TXNDC16: variants seen among roughly 807,000 people sequenced by gnomAD.
TXNDC16 encodes thioredoxin domain containing 16.
In TXNDC16, 74 loss-of-function variants were observed where a neutral mutation model predicts 85.6. The observed-to-expected ratio is 0.86, with a 90% CI of 0.72 to 1.05. The LOEUF is 1.05. TXNDC16 is among the 50% of genes least tolerant of loss of function. The pLI is 0.00. For missense variants in TXNDC16, 959 were observed against 947.0 expected (o/e 1.01, Z -0.17); for synonymous variants, 335 against 326.5 (o/e 1.03, Z -0.28).
At chr14:52,546,054 G>A (rs1215342270) in intron 1 of TXNDC16, among the ~76,000 whole-genome samples, 1 of 152,026 alleles carries the variant, frequency 6.6e-6, no homozygotes, top group Admixed American at 6.6e-5. Context: ...GGGAGGCAGA[G>A]GCAGGAAGAT....
At chr14:52,437,710 T>A (rs981115590) in intron 20 of TXNDC16, among the ~76,000 whole-genome samples, 6 of 152,160 alleles carry the variant, frequency 3.9e-5, no homozygotes, top group Non-Finnish European at 8.8e-5. Context: ...CTCAAACTAC[T>A]ATGGGGAAAA....
At chr14:52,542,594 C>A (rs1425659222) in intron 3 of TXNDC16, 141 bp from the exon 4 acceptor site, 2 of 530,686 alleles carry the variant, frequency 3.8e-6, no homozygotes, top group Non-Finnish European at 6.7e-6. Context: ...CATATTTTCA[C>A]ACCCTTATTT....
At chr14:52,474,863 C>T (rs2035985741) in intron 14 of TXNDC16, among the ~76,000 whole-genome samples, 1 of 152,142 alleles carries the variant, frequency 6.6e-6, no homozygotes, top group African/African-American at 2.4e-5. Context: ...CGTGTGGAGG[C>T]TCGCCTCATG....
chr14:52,508,098 C>G (rs1229199225), intron 9 of TXNDC16, among the ~76,000 whole-genome samples: 1 of 152,070 alleles, frequency 6.6e-6, no homozygotes, highest in African/African-American at 2.4e-5. Context: ...TTCTGCACAG[C>G]AAAAGAAACT....
intron 6 of TXNDC16, among the ~76,000 whole-genome samples, chr14:52,530,884 C>G (rs2037559486): frequency 6.6e-6 from 1 of 151,126 alleles, no homozygotes; most frequent in Non-Finnish European, 1.5e-5. Flanking sequence ...CTACTAGAAT[C>G]AAAAGAATGA....
chr14:52,527,335 C>A (rs925245915), intron 6 of TXNDC16, among the ~76,000 whole-genome samples: 2 of 152,148 alleles, frequency 1.3e-5, no homozygotes, highest in Non-Finnish European at 2.9e-5. Flanking sequence ...GAGGACACCC[C>A]GCTGATGTCA....
At chr14:52,538,806 T>C (rs1457644970) in intron 4 of TXNDC16, among the ~76,000 whole-genome samples, 2 of 152,132 alleles carry the variant, frequency 1.3e-5, no homozygotes, top group East Asian at 3.8e-4. Flanking sequence ...TTAATTTTAA[T>C]GGGATTTGAG....
At chr14:52,516,896 C>G (rs2037095672) in intron 7 of TXNDC16, among the ~76,000 whole-genome samples, 1 of 152,112 alleles carries the variant, frequency 6.6e-6, no homozygotes, top group Admixed American at 6.6e-5. Flanking sequence ...TCTAGTACTA[C>G]TCCTGTCATA....
At chr14:52,516,220 C>T (rs945844683) in intron 7 of TXNDC16, among the ~76,000 whole-genome samples, 2 of 152,122 alleles carry the variant, frequency 1.3e-5, no homozygotes, top group East Asian at 1.9e-4. Context: ...TATCCAATAT[C>T]GTCTTCTTTA....
intron 14 of TXNDC16, among the ~76,000 whole-genome samples, chr14:52,479,754 A>G (rs2036103940): frequency 6.6e-6 from 1 of 152,126 alleles, no homozygotes; most frequent in Non-Finnish European, 1.5e-5. Context: ...GCCAAAAGCC[A>G]TCTACAAATT....
rs377422418 is a variant in TXNDC16, at chr14:52,506,058, C to A, written c.756+5182G>T. The stretch of plus-strand genomic sequence containing the variant: ...AATCTCTGAATAGACCAATAACAGG[C>A]TCTGAAATTGAGGCAATAATTAATA... On this transcript the variant is annotated intron_variant, in intron 9 of 20. Transcript: ENST00000281741. 4.7e-4 allele frequency among the ~76,000 whole-genome samples: 72 copies of A among 152,212 alleles called. No individual in the cohort carries two copies. The East Asian group carries it at 0.013, about 28-fold the overall frequency.
At chr14:52,467,182 G>A (rs1162646360) in intron 16 of TXNDC16, among the ~76,000 whole-genome samples, 6 of 151,102 alleles carry the variant, frequency 4.0e-5, no homozygotes, top group African/African-American at 1.5e-4. Flanking sequence ...ATATAGAGGA[G>A]AAAAAAAGGA....
chr14:52,496,610 ATTTT>A (rs57762673), intron 9 of TXNDC16, among the ~76,000 whole-genome samples: 1 of 140,040 alleles, frequency 7.1e-6, no homozygotes, highest in African/African-American at 2.6e-5. Context: ...TGATTTTATG[ATTTT>A]TTTTTTTTTT....
At position 52,508,464 on chromosome 14, in the gene TXNDC16, G is replaced by A. The variant is rs551590539; in HGVS notation, c.756+2776C>T. Among the ~76,000 whole-genome samples, 471 of 152,292 alleles carry A rather than the reference G, an allele frequency of 3.1e-3. 2 individuals are homozygous for A. The highest frequency in any genetic ancestry group is 0.011 in the African/African-American group (455 of 41,566). On this transcript the variant is annotated intron_variant, in intron 9 of 20. Transcript: ENST00000281741. ...GAAATAGGAACACTTTTACACTGTT[G>A]GTGGGACTGTAAACTAGTTCAACCA...
chr14:52,452,460 A>C (rs1016788660), intron 18 of TXNDC16, among the ~76,000 whole-genome samples: 13 of 152,170 alleles, frequency 8.5e-5, no homozygotes, highest in African/African-American at 3.1e-4. Flanking sequence ...AACCAAAGTG[A>C]CATGGTACTG....
chr14:52,527,220 C>T (rs758747254), intron 6 of TXNDC16, among the ~76,000 whole-genome samples: 3 of 152,140 alleles, frequency 2.0e-5, no homozygotes, highest in East Asian at 1.9e-4. Flanking sequence ...GAGCTTCTGT[C>T]CTATCTGACT....
intron 1 of TXNDC16, among the ~76,000 whole-genome samples, chr14:52,549,403 A>G (rs1018555401): frequency 2.0e-5 from 3 of 152,200 alleles, no homozygotes; most frequent in South Asian, 2.1e-4. Context: ...ATAAAATGTT[A>G]AAGGCGACAA....
chr14:52,433,569 A>G (rs1405797590), intron 20 of TXNDC16, among the ~76,000 whole-genome samples: 3 of 152,198 alleles, frequency 2.0e-5, no homozygotes, highest in Non-Finnish European at 4.4e-5. Flanking sequence ...GCTTAGAAAA[A>G]ACATATATAT....
chr14:52,511,612 T>C (rs950630563), intron 8 of TXNDC16, among the ~76,000 whole-genome samples: 3 of 152,116 alleles, frequency 2.0e-5, no homozygotes, highest in Non-Finnish European at 2.9e-5. Context: ...ACGAGTTGTA[T>C]AAACAATTTT....
Sources: gnomAD v4.1 joint callset for allele counts (sites outside exome capture counted in the v4.1 genomes callset) on GRCh38, gnomAD v4.1.1 for gene constraint, MANE v1.5 for transcripts, NCBI Gene and HGNC (gene_info 2026-07-23, HGNC 2026-07-21) for gene names.